Variants in IGLL5 observed in about 807,000 individuals in gnomAD.
The protein encoded by IGLL5 is immunoglobulin lambda-like polypeptide 5.
In IGLL5, 30 loss-of-function variants were observed where a neutral mutation model predicts 20.9. That is an observed-to-expected ratio of 1.44 (90% confidence interval 1.07 to 1.95). The LOEUF is 1.95. Ranked by LOEUF, IGLL5 falls within the 30% of genes most tolerant of loss-of-function variation. The pLI is 0.00. For missense variants in IGLL5, 475 were observed against 270.7 expected (o/e 1.75, Z -5.30); for synonymous variants, 203 against 117.3 (o/e 1.73, Z -4.72).
At chr22:22,894,109 G>A (rs1246249164) in intron 2 of IGLL5, among the ~76,000 whole-genome samples, 7 of 151,492 alleles carry the variant, frequency 4.6e-5, no homozygotes, top group Admixed American at 2.6e-4. Context: ...GACAGAGGCT[G>A]GTTCTGATGA....
chr22:22,889,070 T>A (rs570419768), intron 1 of IGLL5, among the ~76,000 whole-genome samples: 4 of 151,168 alleles, frequency 2.6e-5, no homozygotes, highest in Admixed American at 1.3e-4. Context: ...CTTGGATGGA[T>A]TTAGGTAGAT....
chr22:22,889,093 T>A (rs576586131), intron 1 of IGLL5, among the ~76,000 whole-genome samples: 1 of 151,050 alleles, frequency 6.6e-6, no homozygotes, highest in African/African-American at 2.4e-5. Flanking sequence ...ATTATCAGAG[T>A]CAGATTTGTG....
In IGLL5 at chr22:22,894,199, G is replaced by C. The variant is rs185999104; in HGVS notation, c.325+381G>C. On this transcript the variant is annotated intron_variant, in intron 2 of 2. Transcript: ENST00000526893. ...AGAGGCTGCTGGGGTGGGCCTGGGA[G>C]CTGCTGAGTCTCATAGTCTAGGGGA... Among the ~76,000 whole-genome samples the C allele has an allele frequency of 1.5e-4, 23 of 151,206 alleles. 1 individual carries two copies. Among genetic ancestry groups the C allele is most frequent in the East Asian group, 4.1e-4 (2 of 4,936 alleles).
In IGLL5 at chr22:22,888,268, C is replaced by T. The variant is rs560369897; in HGVS notation, c.206+9C>T. 4 of 1,546,428 alleles carry T rather than the reference C, an allele frequency of 2.6e-6. No homozygotes were observed. The highest frequency in any genetic ancestry group is 2.7e-5 in the African/African-American group (2 of 72,748). ...CGGAGCCTGTGGGGCAGGTAAGGGG[C>T]AAGAGATTCCAGGGGATGTGGGGGT... On this transcript the variant is annotated intron_variant, in intron 1 of 2. Coordinates refer to ENST00000526893, the MANE Select transcript of IGLL5 (RefSeq NM_001178126.2).
chr22:22,889,875 C>T (rs577271546), intron 1 of IGLL5, among the ~76,000 whole-genome samples: 1 of 151,384 alleles, frequency 6.6e-6, no homozygotes, highest in Admixed American at 6.6e-5. Context: ...GAATTACAGG[C>T]GTGAGCCACT....
chr22:22,888,510 A>T (rs536344363), intron 1 of IGLL5, among the ~76,000 whole-genome samples: 2 of 151,366 alleles, frequency 1.3e-5, no homozygotes, highest in Admixed American at 1.3e-4. Context: ...AATTTTCACC[A>T]GGGTCAGTGC....
At position 22,888,240 on chromosome 22, in the gene IGLL5, C is replaced by A. The variant is rs760680162; in HGVS notation, c.187C>A (p.Leu63Met). ...GASVGSSRSS[L>M]RSLWGRLLLQ... Reference sequence around the variant, plus strand: ...CTCAGTTGGAAGCAGCCGATCCAGCCTGCGGAGCCTGTGGGGCAGGTAAGG... The same window carrying A: ...CTCAGTTGGAAGCAGCCGATCCAGCATGCGGAGCCTGTGGGGCAGGTAAGG... The change falls in exon 1 of 3, where the codon CTG becomes ATG. Residue 63 changes from leucine to methionine, a missense_variant. Transcript: ENST00000526893. 6.5e-7 allele frequency: 1 copy of A among 1,547,872 alleles called. No homozygotes were observed. The highest frequency in any genetic ancestry group is 8.7e-7 in the Non-Finnish European group (1 of 1,146,458).
At position 22,893,722 on chromosome 22, in the gene IGLL5, C is replaced by T; in HGVS notation, c.229C>T (p.Gln77Ter). 3 of 1,608,548 alleles carry T rather than the reference C, an allele frequency of 1.9e-6. No homozygotes were observed. The highest frequency in any genetic ancestry group is 2.5e-6 in the Non-Finnish European group (3 of 1,177,542). Residue 77 changes from glutamine to a stop codon, truncating the protein, a stop_gained, in exon 2 of 3, where the codon CAG becomes TAG. Coordinates refer to ENST00000526893, the MANE Select transcript of IGLL5 (RefSeq NM_001178126.2). LOFTEE classifies it high-confidence loss of function. ...WGRLLLQPSP[Q>*]RADPRCWPRG... ...CAGGCTCCTGCTCCAGCCCAGCCCC[C>T]AGAGAGCAGACCCCAGGTGCTGGCC... is the stretch of plus-strand genomic sequence containing the variant.
At position 22,888,026 on chromosome 22, in the gene IGLL5, C is replaced by T. The variant is rs1393780750; in HGVS notation, c.-28C>T. On this transcript the variant is annotated 5_prime_UTR_variant, in exon 1 of 3. Transcript: ENST00000526893. ...CAGGGAGCCCATGCTGCAAGTCGGGCCAGAGGTGCCCCTGAACCTGAAGGC... is the reference window on the plus strand; with the variant it reads ...CAGGGAGCCCATGCTGCAAGTCGGGTCAGAGGTGCCCCTGAACCTGAAGGC... The T allele has an allele frequency of 6.5e-7, 1 of 1,540,098 alleles. No homozygotes were observed. Among genetic ancestry groups the T allele is most frequent in the Non-Finnish European group, 8.8e-7 (1 of 1,138,304 alleles).
intron 1 of IGLL5, among the ~76,000 whole-genome samples, chr22:22,888,579 T>C (rs2067617945): frequency 2.6e-5 from 4 of 151,260 alleles, no homozygotes; most frequent in Middle Eastern, 3.7e-3. Context: ...GGACAGGACA[T>C]CCACAGGGGG....
chr22:22,890,556 TGTGTGTGTGTGTGTG>T lies in IGLL5; in HGVS notation c.206+2298_206+2312del. 6.1e-5 allele frequency among the ~76,000 whole-genome samples: 2 copies of T among 32,854 alleles called. 1 individual carries two copies. Among genetic ancestry groups the T allele is most frequent in the African/African-American group, 3.0e-4 (2 of 6,746 alleles). 21.6% of individuals were successfully genotyped at this position (32,854 alleles called of 152,430 possible). ...CAAATGATGCTGCAGTGGAAATTTG[TGTGTGTGTGTGTGTG>T]TGTGTGTGTGTGTGTGTGTGTGTGT... On this transcript the variant is annotated intron_variant, in intron 1 of 2. Transcript: ENST00000526893.
chr22:22,894,546 A>T (rs569834201), intron 2 of IGLL5, among the ~76,000 whole-genome samples: 6 of 151,378 alleles, frequency 4.0e-5, no homozygotes, highest in African/African-American at 1.5e-4. Context: ...CTCTCTGTTC[A>T]CGGATCGGCC....
chr22:22,889,251 A>T (rs533516000), intron 1 of IGLL5, among the ~76,000 whole-genome samples: 3 of 151,100 alleles, frequency 2.0e-5, no homozygotes, highest in South Asian at 2.1e-4. Flanking sequence ...GATTCAGAGC[A>T]CCCAGGGGCC....
At chr22:22,888,358 A>C (rs187609467) in intron 1 of IGLL5, 99 bp downstream of exon 1, 8 of 1,129,488 alleles carry the variant, frequency 7.1e-6, no homozygotes, top group East Asian at 5.2e-5. Flanking sequence ...GAGGAAGGTT[A>C]ACCCCTAAGA....
At chr22:22,894,098 G>C (rs559398380) in intron 2 of IGLL5, among the ~76,000 whole-genome samples, 2 of 151,470 alleles carry the variant, frequency 1.3e-5, no homozygotes, top group East Asian at 4.0e-4. Flanking sequence ...TCTGAGTGAG[G>C]GACAGAGGCT....
At chr22:22,894,286 G>T (rs570616635) in intron 2 of IGLL5, among the ~76,000 whole-genome samples, 2 of 151,262 alleles carry the variant, frequency 1.3e-5, no homozygotes, top group African/African-American at 2.4e-5. Context: ...GCCTGGGAGG[G>T]CCACACGGCC....
In IGLL5 at chr22:22,888,442, T is replaced by C. The variant is rs140260897; in HGVS notation, c.206+183T>C. 4.6e-5 allele frequency among the ~76,000 whole-genome samples: 7 copies of C among 151,482 alleles called. 1 individual carries two copies. Among genetic ancestry groups the C allele is most frequent in the Admixed American group, 2.6e-4 (4 of 15,160 alleles). On this transcript the variant is annotated intron_variant, in intron 1 of 2. Transcript: ENST00000526893. Reference sequence around the variant, plus strand: ...TCACAGATTTGTTTGAATTACTGTTTTTAATATCATATTACGATATTATTT... The same window carrying C: ...TCACAGATTTGTTTGAATTACTGTTCTTAATATCATATTACGATATTATTT...
chr22:22,887,963 A>C lies in IGLL5; in HGVS notation c.-91A>C, dbSNP rs2067555306. The C allele has an allele frequency of 1.9e-6, 2 of 1,028,328 alleles. No individual in the cohort carries two copies. Among genetic ancestry groups the C allele is most frequent in the Middle Eastern group, 2.3e-4 (1 of 4,344 alleles). The allele number at this position is 1,028,328 out of a possible 1,614,324, so 63.7% of individuals were successfully genotyped here. A position where few individuals can be genotyped will look rare whatever the true frequency, so the allele number is the denominator to read the frequency against. On this transcript the variant is annotated 5_prime_UTR_variant, in exon 1 of 3. An upstream open reading frame in the 5' UTR loses its in-frame stop. Transcript: ENST00000526893. ...AGCCAATGGACTGGGGTGTACTGTA[A>C]CAGCCCTGCTGGCGAGAGGGACCAG...
At chr22:22,895,006 A>ATGGAGGGG (rs2066715868) in intron 2 of IGLL5, among the ~76,000 whole-genome samples, 1 of 151,304 alleles carries the variant, frequency 6.6e-6, no homozygotes, top group African/African-American at 2.4e-5. Context: ...AAAGTGGGTG[A>ATGGAGGGG]TGGAGGGGGG....
Sources: allele counts gnomAD v4.1 joint callset (sites outside exome capture counted in the v4.1 genomes callset), GRCh38; gene constraint gnomAD v4.1.1; transcripts MANE v1.5; gene names NCBI Gene and HGNC (gene_info 2026-07-23, HGNC 2026-07-21).